Variants in ADARB2 observed in about 807,000 individuals in gnomAD.
The protein encoded by ADARB2 is adenosine deaminase RNA specific B2 (inactive).
In ADARB2, 25 loss-of-function variants were observed where a neutral mutation model predicts 62.2. The observed-to-expected ratio is 0.40, with a 90% CI of 0.29 to 0.56. ADARB2 has a LOEUF of 0.56. Ranked by LOEUF, ADARB2 falls within the 20% of genes least tolerant of loss-of-function variation. The pLI is 0.43. For missense variants in ADARB2, 1,071 were observed against 1,077.4 expected, an observed-to-expected ratio of 0.99 and a Z score of 0.08; for synonymous variants, 572 against 500.8, an observed-to-expected ratio of 1.14 and a Z score of -1.90.
At chr10:1,256,578 T>C (rs1221532297) in intron 4 of ADARB2, among the ~76,000 whole-genome samples, 1 of 152,072 alleles carries the variant, frequency 6.6e-6, no homozygotes, top group Non-Finnish European at 1.5e-5. Context: ...TCAAAATACA[T>C]AGAATTTGGG....
intron 1 of ADARB2, among the ~76,000 whole-genome samples, chr10:1,526,336 G>C (rs2676735): frequency 0.022 from 3,388 of 152,104 alleles, 128 homozygotes; most frequent in African/African-American, 0.077. Context: ...CTGTCCAACT[G>C]TCTCTTAAGA....
Position 1,698,753 on chromosome 10 carries a change from T to A in ADARB2, c.100+38298A>T, listed in dbSNP as rs186195793. Reference sequence around the variant, plus strand: ...AAGAGTTGAAGGGGCAAATGACTTTTAAAAAATTTATTATTATTATTTTTT... The same window carrying A: ...AAGAGTTGAAGGGGCAAATGACTTTAAAAAAATTTATTATTATTATTTTTT... On this transcript the variant is annotated intron_variant, in intron 1 of 9. Transcript: ENST00000381312. Among the ~76,000 whole-genome samples the A allele has an allele frequency of 6.9e-3, 1,045 of 152,322 alleles. 4 individuals carry two copies. Among genetic ancestry groups the A allele is most frequent in the Non-Finnish European group, 0.011 (746 of 68,024 alleles).
intron 3 of ADARB2, among the ~76,000 whole-genome samples, chr10:1,307,323 G>GA (rs766357395): frequency 0.03 from 3,538 of 118,700 alleles, 87 homozygotes; most frequent in African/African-American, 0.044. Context: ...AAAAACACAT[G>GA]AAAAAATGCT....
Position 1,363,906 on chromosome 10 carries a change from C to T in ADARB2, c.199G>A (p.Ala67Thr). The T allele has an allele frequency of 3.4e-6, 5 of 1,472,786 alleles. No individual in the cohort carries two copies. Among genetic ancestry groups the T allele is most frequent in the Non-Finnish European group, 4.5e-6 (5 of 1,123,454 alleles). 91.2% of individuals were successfully genotyped at this position (1,472,786 alleles called of 1,614,324 possible). A position where few individuals can be genotyped will look rare whatever the true frequency, so the allele number is the denominator to read the frequency against. The stretch of plus-strand genomic sequence containing the variant: ...ACGTTGCGGTTCTCCTTCACCTCCG[C>T]GCTGCTGGTACCTGGAGGGGAGAAC... ...EDDDTLSTSS[A>T]EVKENRNVGN... Residue 67 changes from alanine (A) to threonine (T), a missense_variant, in exon 3 of 10, where the codon GCG becomes ACG. Ala to Thr is a moderately conservative substitution (Grantham distance 58). Coordinates refer to ENST00000381312, the MANE Select transcript of ADARB2 (RefSeq NM_018702.4).
chr10:1,651,428 G>A (rs1430337296), intron 1 of ADARB2, among the ~76,000 whole-genome samples: 1 of 152,214 alleles, frequency 6.6e-6, no homozygotes, highest in Admixed American at 6.5e-5. Flanking sequence ...ACACCGCAGT[G>A]GGTGATGTGA....
chr10:1,656,220 G>C (rs1423741176), intron 1 of ADARB2, among the ~76,000 whole-genome samples: 2 of 152,164 alleles, frequency 1.3e-5, no homozygotes, highest in Non-Finnish European at 2.9e-5. Flanking sequence ...TAAAACCCTG[G>C]AAAGTAACTT....
At chr10:1,285,852 T>C (rs774069020) in intron 3 of ADARB2, among the ~76,000 whole-genome samples, 4 of 152,224 alleles carry the variant, frequency 2.6e-5, no homozygotes, top group South Asian at 2.1e-4. Flanking sequence ...CAGGGTAAAA[T>C]TGACATTCAG....
At position 1,612,373 on chromosome 10, in the gene ADARB2, G is replaced by A. The variant is rs184963774; in HGVS notation, c.100+124678C>T. Among the ~76,000 whole-genome samples the A allele has an allele frequency of 2.6e-3, 392 of 152,362 alleles. 3 individuals are homozygous for A. The highest frequency in any genetic ancestry group is 8.7e-3 in the African/African-American group (361 of 41,592). ...AGGACCCGAGGCCTGAGCTCCAGAG[G>A]GAGGGGCTGGACATAAGGAGGCGGT... On this transcript the variant is annotated intron_variant, in intron 1 of 9. Coordinates refer to ENST00000381312, the MANE Select transcript of ADARB2 (RefSeq NM_018702.4).
In ADARB2 at chr10:1,672,435, G is replaced by T. The variant is rs77399937; in HGVS notation, c.100+64616C>A. ...TTGAACTACAGACATACACCCAAGCGGGCATACTGAGAAGGAAAACAAAAT... is the reference window on the plus strand; with the variant it reads ...TTGAACTACAGACATACACCCAAGCTGGCATACTGAGAAGGAAAACAAAAT... On this transcript the variant is annotated intron_variant, in intron 1 of 9. Transcript: ENST00000381312. Among the ~76,000 whole-genome samples, 448 of 152,222 alleles carry T rather than the reference G, an allele frequency of 2.9e-3. 6 individuals are homozygous for T. Among genetic ancestry groups the T allele is most frequent in the African/African-American group, 0.01 (432 of 41,536 alleles).
At chr10:1,250,668 C>T (rs1000500426) in intron 4 of ADARB2, among the ~76,000 whole-genome samples, 1 of 152,170 alleles carries the variant, frequency 6.6e-6, no homozygotes, top group Non-Finnish European at 1.5e-5. Context: ...GAAGCATGAG[C>T]TAGATAAACC....
Position 1,223,711 on chromosome 10 carries a change from A to C in ADARB2, c.1514-6592T>G, listed in dbSNP as rs528532600. Among the ~76,000 whole-genome samples, 23 of 152,288 alleles carry C rather than the reference A, an allele frequency of 1.5e-4. No homozygotes were observed. In the East Asian group the frequency reaches 4.4e-3, roughly 29 times the overall value. On this transcript the variant is annotated intron_variant, in intron 6 of 9. Coordinates refer to ENST00000381312, the MANE Select transcript of ADARB2 (RefSeq NM_018702.4). The stretch of plus-strand genomic sequence containing the variant: ...GGTTTTTGTCTTTGGCTCTGTTTAT[A>C]TGCTGGATTACGTTTATTGATTTTC...
intron 1 of ADARB2, among the ~76,000 whole-genome samples, chr10:1,707,760 T>G (rs1039892634): frequency 2.6e-5 from 4 of 152,168 alleles, no homozygotes; most frequent in Non-Finnish European, 5.9e-5. Context: ...GACATTTGGC[T>G]CAGAAGACTG....
chr10:1,673,430 T>G (rs1834419445), intron 1 of ADARB2, among the ~76,000 whole-genome samples: 1 of 151,482 alleles, frequency 6.6e-6, no homozygotes, highest in Admixed American at 6.6e-5. Flanking sequence ...ACGTTCATAA[T>G]TTTTTTTAAG....
In ADARB2 at chr10:1,306,259, C is replaced by T. The variant is rs932428421; in HGVS notation, c.1078-35190G>A. On this transcript the variant is annotated intron_variant, in intron 3 of 9. Coordinates refer to ENST00000381312, the MANE Select transcript of ADARB2 (RefSeq NM_018702.4). ...CAAAAATCACAAGCATTCCTATACA[C>T]CAACAACAGACAAACAGAGAGCCAA... 1.4e-4 allele frequency among the ~76,000 whole-genome samples: 22 copies of T among 151,736 alleles called. 1 individual carries two copies. The highest frequency in any genetic ancestry group is 2.8e-4 in the Non-Finnish European group (19 of 67,938).
intron 3 of ADARB2, among the ~76,000 whole-genome samples, chr10:1,314,534 C>A (rs1015983380): frequency 1.3e-5 from 2 of 152,212 alleles, no homozygotes; most frequent in Admixed American, 1.3e-4. Flanking sequence ...CCCCACTGCC[C>A]GGCCTCCAGG....
At chr10:1,733,845 G>T (rs985683203) in intron 1 of ADARB2, among the ~76,000 whole-genome samples, 3 of 152,104 alleles carry the variant, frequency 2.0e-5, no homozygotes, top group African/African-American at 7.2e-5. Context: ...TTTAGTGATG[G>T]CAGGTAACAG....
intron 1 of ADARB2, among the ~76,000 whole-genome samples, chr10:1,547,753 TG>T (rs1283851738): frequency 7.1e-5 from 2 of 28,002 alleles, no homozygotes; most frequent in African/African-American, 2.8e-4. Flanking sequence ...CGCACTGTGT[TG>T]GGGGGAGAGG....
At chr10:1,202,507 G>A (rs1589150051) in intron 7 of ADARB2, among the ~76,000 whole-genome samples, 1 of 152,156 alleles carries the variant, frequency 6.6e-6, no homozygotes, top group South Asian at 2.1e-4. Flanking sequence ...GAGCGGTTGA[G>A]GGATTTGGCT....
At position 1,177,468 on chromosome 10, in the gene ADARB2, A is replaced by T. The variant is rs907893680; in HGVS notation, c.*5725T>A. The T allele has an allele frequency of 6.6e-6, 1 of 152,240 alleles. No individual in the cohort carries two copies. The highest frequency in any genetic ancestry group is 2.4e-5 in the African/African-American group (1 of 41,464). 9.4% of individuals were successfully genotyped at this position (152,240 alleles called of 1,614,324 possible). ...TTACAAATATTACAAATGTACATCC[A>T]TTGATACAATATTGCCATTCTATCA... On this transcript the variant is annotated 3_prime_UTR_variant, in exon 10 of 10. Coordinates refer to ENST00000381312, the MANE Select transcript of ADARB2 (RefSeq NM_018702.4).
Sources: gnomAD v4.1 joint callset for allele counts (sites outside exome capture counted in the v4.1 genomes callset) on GRCh38, gnomAD v4.1.1 for gene constraint, MANE v1.5 for transcripts, NCBI Gene and HGNC (gene_info 2026-07-23, HGNC 2026-07-21) for gene names.